PTH2R: variants seen among roughly 807,000 people sequenced by gnomAD.
PTH2R encodes parathyroid hormone 2 receptor, also known as PTH2 receptor.
PTH2R carries 59 observed loss-of-function variants against 60.3 expected under a neutral mutation model. The ratio of observed to expected loss-of-function variants is 0.98; its 90% confidence interval spans 0.79 to 1.22. PTH2R has a LOEUF of 1.22. Among genes scored for constraint, PTH2R ranks in the 50% most tolerant of loss-of-function variants. The pLI is 0.00. For synonymous variants in PTH2R, 256 were observed against 243.8 expected (o/e 1.05, Z -0.47); for missense variants, 749 against 682.6 (o/e 1.10, Z -1.08).
chr2:208,450,278 A>AT (rs889605171), intron 7 of PTH2R, among the ~76,000 whole-genome samples: 26 of 152,322 alleles, frequency 1.7e-4, no homozygotes, highest in African/African-American at 5.8e-4. Flanking sequence ...AAACTTCCTG[A>AT]TTTTTATAAC....
chr2:208,460,310 T>C (rs1410316480), intron 9 of PTH2R, among the ~76,000 whole-genome samples: 1 of 152,058 alleles, frequency 6.6e-6, no homozygotes, highest in East Asian at 1.9e-4. Context: ...AGTAGGTCAG[T>C]GTGACAGGGA....
At chr2:208,361,819 T>G (rs1400195842) in intron 1 of PTH2R, among the ~76,000 whole-genome samples, 1 of 152,202 alleles carries the variant, frequency 6.6e-6, no homozygotes, top group Non-Finnish European at 1.5e-5. Flanking sequence ...ATGCCACATT[T>G]TGTTTATCCA....
chr2:208,490,961 A>AAG (rs1703391666), intron 12 of PTH2R, among the ~76,000 whole-genome samples: 1 of 152,206 alleles, frequency 6.6e-6, no homozygotes, highest in Admixed American at 6.5e-5. Flanking sequence ...AGTGAACATC[A>AAG]TATTCTGGTT....
At chr2:208,486,335 A>C (rs1703272550) in intron 10 of PTH2R, among the ~76,000 whole-genome samples, 1 of 152,236 alleles carries the variant, frequency 6.6e-6, no homozygotes, top group African/African-American at 2.4e-5. Flanking sequence ...AGGGAGAAAA[A>C]CCCAGATGGC....
intron 4 of PTH2R, 110 bp downstream of exon 4, chr2:208,437,991 A>G (rs1314458255): frequency 3.0e-6 from 4 of 1,342,390 alleles, no homozygotes; most frequent in Admixed American, 4.4e-5. Context: ...TCCACGACAC[A>G]AGGATCATAA....
At chr2:208,389,087 A>G (rs902463828) in intron 1 of PTH2R, among the ~76,000 whole-genome samples, 3 of 152,204 alleles carry the variant, frequency 2.0e-5, no homozygotes, top group Non-Finnish European at 2.9e-5. Flanking sequence ...TTTTCATTAT[A>G]TCTGAATTTA....
chr2:208,443,428 AAGAC>A lies in PTH2R; in HGVS notation c.594_597del (p.Asp198GlufsTer2), dbSNP rs1487546147. ...CTGAGAGCTACAAGCATCTTTGTCA[AAGAC>A]AGAGTAGTCCATGCTCACATAGGAG... On this transcript the variant is annotated frameshift_variant, in exon 6 of 13. Transcript: ENST00000272847. LOFTEE classifies it high-confidence loss of function. The A allele has an allele frequency of 9.3e-6, 15 of 1,613,438 alleles. No individual in the cohort carries two copies. The highest frequency in any genetic ancestry group is 1.2e-5 in the Non-Finnish European group (14 of 1,179,666).
intron 1 of PTH2R, among the ~76,000 whole-genome samples, chr2:208,389,619 A>G (rs2125881688): frequency 6.6e-6 from 1 of 152,310 alleles, no homozygotes. Flanking sequence ...TGTATGACCC[A>G]TGAGGGGAAG....
intron 9 of PTH2R, among the ~76,000 whole-genome samples, chr2:208,465,931 CA>C (rs1334071716): frequency 6.6e-6 from 1 of 151,546 alleles, no homozygotes; most frequent in Non-Finnish European, 1.5e-5. Context: ...AAAAATTTAA[CA>C]GGTCTATTTA....
chr2:208,473,359 A>C (rs1327783863), intron 9 of PTH2R, among the ~76,000 whole-genome samples: 3 of 152,190 alleles, frequency 2.0e-5, no homozygotes, highest in African/African-American at 7.2e-5. Flanking sequence ...TAATAATTTA[A>C]TGAAAGTTGA....
chr2:208,404,119 G>T (rs1475683430), upstream of PTH2R, among the ~76,000 whole-genome samples: 3 of 152,184 alleles, frequency 2.0e-5, no homozygotes, highest in Non-Finnish European at 4.4e-5. Flanking sequence ...TGTAAGGGGA[G>T]AACAGAGAGA....
chr2:208,482,791 T>G (rs559711991), intron 10 of PTH2R, among the ~76,000 whole-genome samples: 3 of 152,110 alleles, frequency 2.0e-5, no homozygotes, highest in African/African-American at 7.2e-5. Context: ...ATCTTATCCA[T>G]ATGGACAGGC....
intron 1 of PTH2R, among the ~76,000 whole-genome samples, chr2:208,401,599 C>A (rs897769628): frequency 2.6e-5 from 4 of 152,112 alleles, no homozygotes; most frequent in Admixed American, 2.6e-4. Flanking sequence ...TGCAGCCACC[C>A]TTCTTCCTCT....
intron 1 of PTH2R, among the ~76,000 whole-genome samples, chr2:208,381,287 G>T (rs1397606344): frequency 3.3e-5 from 5 of 152,038 alleles, no homozygotes; most frequent in African/African-American, 1.2e-4. Flanking sequence ...GAACTTTGCA[G>T]GTATCTTCAG....
chr2:208,454,933 C>T (rs1702480352), intron 8 of PTH2R, among the ~76,000 whole-genome samples: 1 of 152,126 alleles, frequency 6.6e-6, no homozygotes. Context: ...CTATAAAGAA[C>T]CTGTCACTCA....
intron 1 of PTH2R, among the ~76,000 whole-genome samples, chr2:208,378,899 G>A (rs945514438): frequency 2.0e-5 from 3 of 152,070 alleles, no homozygotes; most frequent in African/African-American, 7.3e-5. Context: ...GTTAGATATG[G>A]GAATAATGAT....
At chr2:208,446,519 A>G (rs1234480356) in intron 7 of PTH2R, among the ~76,000 whole-genome samples, 1 of 152,226 alleles carries the variant, frequency 6.6e-6, no homozygotes, top group Non-Finnish European at 1.5e-5. Context: ...CTGTGAACGC[A>G]TTTTACATGC....
intron 2 of PTH2R, among the ~76,000 whole-genome samples, chr2:208,434,214 T>C (rs539931538): frequency 6.6e-6 from 1 of 151,808 alleles, no homozygotes; most frequent in African/African-American, 2.4e-5. Context: ...CTTGGGAGGA[T>C]GAACAGGAAA....
rs115048351 is a variant in PTH2R, at chr2:208,483,456, G to A, written c.1076+2292G>A. Among the ~76,000 whole-genome samples the A allele has an allele frequency of 6.7e-3, 1,022 of 152,246 alleles. 16 individuals are homozygous for A. The highest frequency in any genetic ancestry group is 0.023 in the African/African-American group (947 of 41,546). ...GCTTATTTCTTTAATTCTGAATGAC[G>A]TGAACTAATACTTTTAGTAAAGTGT... On this transcript the variant is annotated intron_variant, in intron 10 of 12. Coordinates refer to ENST00000272847, the MANE Select transcript of PTH2R (RefSeq NM_005048.4).
Sources: allele counts gnomAD v4.1 joint callset (sites outside exome capture counted in the v4.1 genomes callset), GRCh38; gene constraint gnomAD v4.1.1; transcripts MANE v1.5; gene names NCBI Gene and HGNC (gene_info 2026-07-23, HGNC 2026-07-21).